The following CNTN4 variants were observed in gnomAD, a reference collection of about 807,000 sequenced individuals.
CNTN4 encodes the protein contactin 4, also known as contactin-4.
In CNTN4, 77 loss-of-function variants were observed where a neutral mutation model predicts 122.5. The observed-to-expected ratio is 0.63, with a 90% CI of 0.52 to 0.76. The LOEUF is 0.76. Among genes scored for constraint, CNTN4 ranks in the 30% least tolerant of loss-of-function variants. The probability of loss-of-function intolerance (pLI) is 0.00; values close to 1 mark genes in which losing one functional copy is unlikely to be tolerated. For synonymous variants in CNTN4, 512 were observed against 447.0 expected, an observed-to-expected ratio of 1.15 and a Z score of -1.83; for missense variants, 1,256 against 1,259.1, an observed-to-expected ratio of 1.00 and a Z score of 0.04.
At chr3:2,580,355 A>G (rs2079880748) in intron 4 of CNTN4, among the ~76,000 whole-genome samples, 1 of 152,166 alleles carries the variant, frequency 6.6e-6, no homozygotes, top group African/African-American at 2.4e-5. Context: ...CTATAATGGT[A>G]CTTCCAGTAG....
chr3:2,391,626 G>A (rs2046444587), intron 3 of CNTN4, among the ~76,000 whole-genome samples: 1 of 152,118 alleles, frequency 6.6e-6, no homozygotes, highest in South Asian at 2.1e-4. Flanking sequence ...GGATGAAACA[G>A]ACGTGATGTT....
intron 3 of CNTN4, among the ~76,000 whole-genome samples, chr3:2,432,406 A>T (rs1226618959): frequency 6.6e-6 from 1 of 152,234 alleles, no homozygotes; most frequent in Non-Finnish European, 1.5e-5. Context: ...GATTAATGTT[A>T]TGAATTAAAT....
At chr3:2,211,369 T>C (rs2038608196) in intron 2 of CNTN4, among the ~76,000 whole-genome samples, 1 of 152,080 alleles carries the variant, frequency 6.6e-6, no homozygotes, top group African/African-American at 2.4e-5. Context: ...AGGACAGAAA[T>C]CTAAACTATA....
At chr3:2,529,873 C>G (rs1049485050) in intron 3 of CNTN4, among the ~76,000 whole-genome samples, 1 of 152,136 alleles carries the variant, frequency 6.6e-6, no homozygotes, top group African/African-American at 2.4e-5. Flanking sequence ...TCTTGAAATC[C>G]TAATCCTTTA....
At chr3:3,044,961 A>C (rs1191509765) in intron 23 of CNTN4, among the ~76,000 whole-genome samples, 1 of 152,200 alleles carries the variant, frequency 6.6e-6, no homozygotes, top group Non-Finnish European at 1.5e-5. Context: ...GCACACCAGG[A>C]GATTATATCC....
intron 2 of CNTN4, among the ~76,000 whole-genome samples, chr3:2,293,768 G>A (rs192097969): frequency 6.6e-6 from 1 of 152,236 alleles, no homozygotes; most frequent in Non-Finnish European, 1.5e-5. Flanking sequence ...CAGCAATCCA[G>A]TTTACCTAAA....
chr3:2,116,703 T>C lies in CNTN4; in HGVS notation c.-145+16064T>C, dbSNP rs1190384617. Among the ~76,000 whole-genome samples, 6 of 152,314 alleles carry C rather than the reference T, an allele frequency of 3.9e-5. No individual in the cohort carries two copies. In the South Asian group the frequency reaches 1.0e-3, roughly 26 times the overall value. On this transcript the variant is annotated intron_variant, in intron 2 of 24. Transcript: ENST00000418658. ...ACACGAGAATTTTTCAGAATCTTTA[T>C]GTGCATTGTGAAATGCATGTTTCTG...
At position 2,425,881 on chromosome 3, in the gene CNTN4, T is replaced by C. The variant is rs568786934; in HGVS notation, c.-89+86648T>C. Reference sequence around the variant, plus strand: ...TGGCTCTCTGTTTGTCTCTTATTGGTGTATAAGAATGCTAGTGATTTTTGC... The same window carrying C: ...TGGCTCTCTGTTTGTCTCTTATTGGCGTATAAGAATGCTAGTGATTTTTGC... On this transcript the variant is annotated intron_variant, in intron 3 of 24. Coordinates refer to ENST00000418658, the MANE Select transcript of CNTN4 (RefSeq NM_175607.3). 1.6e-4 allele frequency among the ~76,000 whole-genome samples: 24 copies of C among 152,306 alleles called. No homozygotes were observed. The South Asian group carries it at 5.0e-3, about 32-fold the overall frequency.
intron 2 of CNTN4, among the ~76,000 whole-genome samples, chr3:2,113,102 A>G (rs1014908664): frequency 1.3e-5 from 2 of 152,248 alleles, no homozygotes; most frequent in African/African-American, 4.8e-5. Flanking sequence ...AAAGAGCTAT[A>G]GAAATATAAT....
In CNTN4 at chr3:2,591,441, T is replaced by C. The variant is rs1281761852; in HGVS notation, c.55+19883T>C. Among the ~76,000 whole-genome samples, 7 of 44,500 alleles carry C rather than the reference T, an allele frequency of 1.6e-4. 1 individual carries two copies. The highest frequency in any genetic ancestry group is 5.5e-4 in the African/African-American group (7 of 12,754). 29.2% of individuals were successfully genotyped at this position (44,500 alleles called of 152,430 possible). On this transcript the variant is annotated intron_variant, in intron 4 of 24. Transcript: ENST00000418658. ...GTGCAGTGGCGGGATCTCGGCTCAC[T>C]GCAAGCTCCGCCTCCCGGGTTCACG...
At chr3:2,635,150 C>A (rs566361905) in intron 4 of CNTN4, among the ~76,000 whole-genome samples, 1 of 152,188 alleles carries the variant, frequency 6.6e-6, no homozygotes, top group African/African-American at 2.4e-5. Flanking sequence ...TCTCTACGCA[C>A]CTGTTCAATG....
chr3:2,966,328 A>G (rs1371396475), intron 13 of CNTN4, among the ~76,000 whole-genome samples: 1 of 152,162 alleles, frequency 6.6e-6, no homozygotes. Context: ...CCTATAAACA[A>G]TTGATCATTT....
chr3:2,348,034 T>C (rs188137457), intron 3 of CNTN4, among the ~76,000 whole-genome samples: 153 of 152,306 alleles, frequency 1.0e-3, no homozygotes, highest in Non-Finnish European at 1.6e-3. Flanking sequence ...TATTTCCACA[T>C]ATAGTTCGTA....
intron 13 of CNTN4, among the ~76,000 whole-genome samples, chr3:2,983,264 C>CCTAATATA (rs1694228623): frequency 8.8e-6 from 1 of 113,404 alleles, no homozygotes; most frequent in Non-Finnish European, 1.8e-5. Flanking sequence ...AAGCACAAAG[C>CCTAATATA]CTAATATATA....
chr3:2,529,328 C>T (rs763740385), intron 3 of CNTN4, among the ~76,000 whole-genome samples: 39 of 152,186 alleles, frequency 2.6e-4, no homozygotes, highest in Middle Eastern at 3.4e-3. Context: ...TGTATATATA[C>T]GTATTTTCTT....
intron 4 of CNTN4, among the ~76,000 whole-genome samples, chr3:2,668,072 C>A (rs548550126): frequency 1.3e-5 from 2 of 152,048 alleles, no homozygotes; most frequent in Admixed American, 1.3e-4. Flanking sequence ...CTTGGCGATG[C>A]GGGCTCTTTT....
intron 3 of CNTN4, among the ~76,000 whole-genome samples, chr3:2,352,148 T>C (rs929054904): frequency 3.3e-5 from 5 of 152,152 alleles, no homozygotes; most frequent in Non-Finnish European, 5.9e-5. Flanking sequence ...CCCAGCACTT[T>C]GGGAGGCCCA....
At chr3:2,340,301 CT>C (rs2044134385) in intron 3 of CNTN4, among the ~76,000 whole-genome samples, 1 of 151,948 alleles carries the variant, frequency 6.6e-6, no homozygotes, top group Non-Finnish European at 1.5e-5. Flanking sequence ...GGAGGAAGGT[CT>C]CATTCCATTG....
chr3:2,961,154 C>T (rs568254094), intron 13 of CNTN4, among the ~76,000 whole-genome samples: 7 of 133,444 alleles, frequency 5.2e-5, no homozygotes, highest in Non-Finnish European at 7.9e-5. Context: ...GGCGTGAACC[C>T]GGGAGGCGGA....
Sources: allele counts gnomAD v4.1 joint callset (sites outside exome capture counted in the v4.1 genomes callset), GRCh38; gene constraint gnomAD v4.1.1; transcripts MANE v1.5; gene names NCBI Gene and HGNC (gene_info 2026-07-23, HGNC 2026-07-21).